The following ITGBL1 variants were observed in gnomAD, a reference collection of about 807,000 sequenced individuals.
The protein encoded by ITGBL1 is integrin subunit beta like 1.
A neutral mutation model predicts 68.5 loss-of-function variants in ITGBL1; 51 were observed. The ratio of observed to expected loss-of-function variants is 0.74; its 90% CI spans 0.59 to 0.94. ITGBL1 has a LOEUF of 0.94. Among genes scored for constraint, ITGBL1 ranks in the 40% least tolerant of loss-of-function variants. The pLI is 0.00. For synonymous variants in ITGBL1, 209 were observed against 227.3 expected (o/e 0.92, Z 0.72); for missense variants, 649 against 647.4 (o/e 1.00, Z -0.03).
At position 101,554,073 on chromosome 13, in the gene ITGBL1, G is replaced by A. The variant is rs1481270052; in HGVS notation, c.317-13626G>A. Among the ~76,000 whole-genome samples, 5 of 151,994 alleles carry A rather than the reference G, an allele frequency of 3.3e-5. No homozygotes were observed. The East Asian group carries it at 5.8e-4, about 18-fold the overall frequency. ...ACAGGCATGAGCCCCCGCTGTGCCC[G>A]GCCGAGGTTTCCCCTTTTTATAAGG... On this transcript the variant is annotated intron_variant, in intron 2 of 10. Transcript: ENST00000376180.
intron 7 of ITGBL1, among the ~76,000 whole-genome samples, chr13:101,634,758 C>G (rs2032108508): frequency 2.0e-5 from 3 of 151,918 alleles, no homozygotes; most frequent in African/African-American, 7.2e-5. Context: ...AAAGGAATTC[C>G]TTTTTAAAAT....
At chr13:101,680,235 GGA>G in intron 7 of ITGBL1, among the ~76,000 whole-genome samples, 2 of 152,116 alleles carry the variant, frequency 1.3e-5, no homozygotes, top group Non-Finnish European at 2.9e-5. Context: ...AAATTGCAAG[GGA>G]ACTTAGGATG....
At chr13:101,461,113 A>T (rs1178881816) in intron 2 of ITGBL1, among the ~76,000 whole-genome samples, 1 of 152,220 alleles carries the variant, frequency 6.6e-6, no homozygotes, top group Non-Finnish European at 1.5e-5. Flanking sequence ...TGAGAAATTC[A>T]GGAGTTATTT....
At chr13:101,520,097 G>A (rs1355903541) in intron 2 of ITGBL1, among the ~76,000 whole-genome samples, 1 of 152,108 alleles carries the variant, frequency 6.6e-6, no homozygotes, top group African/African-American at 2.4e-5. Context: ...AGAGGGATTT[G>A]CTGCAGATCA....
chr13:101,656,050 G>A lies in ITGBL1; in HGVS notation c.1016-36535G>A, dbSNP rs901694610. On this transcript the variant is annotated intron_variant, in intron 7 of 10. Transcript: ENST00000376180. ...TCAGAAAGGTGGCACAACTCAAAAC[G>A]AGGTGGGGGAGGGGGGCTTCCTCGC... Among the ~76,000 whole-genome samples the A allele has an allele frequency of 4.6e-5, 7 of 152,218 alleles. No homozygotes were observed. In the East Asian group the frequency reaches 1.4e-3, roughly 29 times the overall value.
chr13:101,564,432 T>C (rs2050148792), intron 2 of ITGBL1, among the ~76,000 whole-genome samples: 1 of 151,714 alleles, frequency 6.6e-6, no homozygotes. Flanking sequence ...AAGTCACAAA[T>C]TGGGAGAGAA....
intron 2 of ITGBL1, among the ~76,000 whole-genome samples, chr13:101,535,706 A>G (rs1477000209): frequency 6.6e-6 from 1 of 152,142 alleles, no homozygotes; most frequent in Admixed American, 6.5e-5. Flanking sequence ...GACAATAACA[A>G]TAACAACTTG....
intron 2 of ITGBL1, among the ~76,000 whole-genome samples, chr13:101,489,212 T>G (rs1260917702): frequency 6.6e-6 from 1 of 152,168 alleles, no homozygotes; most frequent in South Asian, 2.1e-4. Context: ...TTACCGAAAT[T>G]GTACACAGAT....
rs542974616 is a variant in ITGBL1, at chr13:101,548,093, T to C, written c.317-19606T>C. On this transcript the variant is annotated intron_variant, in intron 2 of 10. Coordinates refer to ENST00000376180, the MANE Select transcript of ITGBL1 (RefSeq NM_004791.3). ...TGTTTCACAGATAAACATAAAACTTTTAAGAATAAGTTTAGTTCCTTCTTA... is the reference window on the plus strand; with the variant it reads ...TGTTTCACAGATAAACATAAAACTTCTAAGAATAAGTTTAGTTCCTTCTTA... 1.2e-3 allele frequency among the ~76,000 whole-genome samples: 189 copies of C among 151,718 alleles called. 1 individual carries two copies. The highest frequency in any genetic ancestry group is 3.9e-3 in the African/African-American group (163 of 41,444).
At chr13:101,520,194 A>C (rs910235884) in intron 2 of ITGBL1, among the ~76,000 whole-genome samples, 3 of 152,202 alleles carry the variant, frequency 2.0e-5, no homozygotes, top group African/African-American at 7.2e-5. Context: ...AATAATATGA[A>C]AGACTCTAAG....
intron 7 of ITGBL1, among the ~76,000 whole-genome samples, chr13:101,668,301 T>A (rs1207353351): frequency 6.6e-6 from 1 of 152,156 alleles, no homozygotes; most frequent in Non-Finnish European, 1.5e-5. Context: ...GTCAGGAGAA[T>A]CACTGGAAGC....
At chr13:101,549,763 T>C (rs764568722) in intron 2 of ITGBL1, among the ~76,000 whole-genome samples, 1 of 152,098 alleles carries the variant, frequency 6.6e-6, no homozygotes, top group Non-Finnish European at 1.5e-5. Flanking sequence ...ACACAAGTTA[T>C]TTGGTAATTT....
At chr13:101,598,417 T>G (rs1258352614) in intron 7 of ITGBL1, 118 bp downstream of exon 7, 8 of 796,022 alleles carry the variant, frequency 1.0e-5, no homozygotes, top group East Asian at 6.3e-5. Context: ...TTGGTTTTTT[T>G]GTTTTTTATT....
At position 101,650,886 on chromosome 13, in the gene ITGBL1, G is replaced by A. The variant is rs1224188890; in HGVS notation, c.1016-41699G>A. ...CTCATTGTTAAGCTCCTACTTATAA[G>A]TGAGAACGTGCAGTGTTTGGTTTTC... is the stretch of plus-strand genomic sequence containing the variant. On this transcript the variant is annotated intron_variant, in intron 7 of 10. Transcript: ENST00000376180. Among the ~76,000 whole-genome samples, 4 of 152,142 alleles carry A rather than the reference G, an allele frequency of 2.6e-5. No individual in the cohort carries two copies. The East Asian group carries it at 7.7e-4, about 29-fold the overall frequency.
In ITGBL1 at chr13:101,539,415, T is replaced by G. The variant is rs1235378303; in HGVS notation, c.317-28284T>G. On this transcript the variant is annotated intron_variant, in intron 2 of 10. Coordinates refer to ENST00000376180, the MANE Select transcript of ITGBL1 (RefSeq NM_004791.3). ...TTTATGGCTGCATAGTATTCCATGG[T>G]GTATATGTGCCACATTTTTTTAATT... Among the ~76,000 whole-genome samples, 3 of 152,086 alleles carry G rather than the reference T, an allele frequency of 2.0e-5. No homozygotes were observed. In the South Asian group the frequency reaches 6.2e-4, roughly 32 times the overall value.
intron 7 of ITGBL1, among the ~76,000 whole-genome samples, chr13:101,607,022 C>T (rs2030899125): frequency 6.6e-6 from 1 of 151,804 alleles, no homozygotes; most frequent in South Asian, 2.1e-4. Flanking sequence ...GATTCATGTA[C>T]AAATCTCTTA....
chr13:101,653,861 TTGTTTTTTG>T (rs1436157229), intron 7 of ITGBL1, among the ~76,000 whole-genome samples: 6 of 48,230 alleles, frequency 1.2e-4, no homozygotes, highest in East Asian at 6.3e-4. Context: ...GCTACTTTTT[TTGTTTTTTG>T]TTTTTTTTTT....
At chr13:101,585,089 T>G (rs2050528636) in intron 6 of ITGBL1, among the ~76,000 whole-genome samples, 1 of 152,046 alleles carries the variant, frequency 6.6e-6, no homozygotes, top group Non-Finnish European at 1.5e-5. Context: ...AAACAAGAAC[T>G]GGGGGGCTTT....
At chr13:101,602,893 A>G (rs893590187) in intron 7 of ITGBL1, among the ~76,000 whole-genome samples, 3 of 152,004 alleles carry the variant, frequency 2.0e-5, no homozygotes, top group Non-Finnish European at 4.4e-5. Context: ...AAGTTGTAGC[A>G]TATGTCAGTC....
Sources: allele counts gnomAD v4.1 joint callset (sites outside exome capture counted in the v4.1 genomes callset), GRCh38; gene constraint gnomAD v4.1.1; transcripts MANE v1.5; gene names NCBI Gene and HGNC (gene_info 2026-07-23, HGNC 2026-07-21).